The following TMEM252 variants were observed in gnomAD, a reference collection of about 807,000 sequenced individuals.
TMEM252 encodes the protein transmembrane protein 252.
TMEM252 carries 4 observed loss-of-function variants against 6.4 expected under a neutral mutation model. The ratio of observed to expected loss-of-function variants is 0.62; its 90% CI spans 0.31 to 1.43. The LOEUF is 1.43. Ranked by LOEUF, TMEM252 falls within the 40% of genes most tolerant of loss-of-function variation. The probability of loss-of-function intolerance (pLI) is 0.07; values close to 1 mark genes in which losing one functional copy is unlikely to be tolerated. For synonymous variants in TMEM252, 85 were observed against 82.5 expected, an observed-to-expected ratio of 1.03 and a Z score of -0.17; for missense variants, 207 against 209.4, an observed-to-expected ratio of 0.99 and a Z score of 0.07.
intron 1 of TMEM252, 143 bp downstream of exon 1, chr9:68,540,394 T>A: frequency 8.2e-7 from 1 of 1,223,388 alleles, no homozygotes; most frequent in Non-Finnish European, 1.1e-6. Context: ...CCCAGAGTAA[T>A]TCCCTGACAA....
At position 68,540,838 on chromosome 9, in the gene TMEM252, C is replaced by T; in HGVS notation, c.-24G>A. 6.2e-7 allele frequency: 1 copy of T among 1,603,996 alleles called. No individual in the cohort carries two copies. Among genetic ancestry groups the T allele is most frequent in the Non-Finnish European group, 8.5e-7 (1 of 1,173,336 alleles). ...ATCCTTGCACCTTAGGAACCCAGCACCCTGACCCTGCTGCTCCTCTGCTTC... is the reference window on the plus strand; with the variant it reads ...ATCCTTGCACCTTAGGAACCCAGCATCCTGACCCTGCTGCTCCTCTGCTTC... On this transcript the variant is annotated 5_prime_UTR_variant, in exon 1 of 2. It adds an upstream start codon to the 5' untranslated region. Transcript: ENST00000377311.
chr9:68,540,448 C>G (rs1007010088), intron 1 of TMEM252, 89 bp downstream of exon 1: 1 of 1,547,594 alleles, frequency 6.5e-7, no homozygotes, highest in East Asian at 2.3e-5. Context: ...ACATGTAAGT[C>G]GCTCCATAGT....
intron 1 of TMEM252, 147 bp from the exon 2 acceptor site, chr9:68,537,640 T>C: frequency 1.6e-6 from 1 of 644,694 alleles, no homozygotes; most frequent in Non-Finnish European, 2.6e-6. Context: ...CTTCCTGGCA[T>C]CACCAGTTTT....
At chr9:68,539,493 G>A (rs2132129036) in intron 1 of TMEM252, among the ~76,000 whole-genome samples, 1 of 152,294 alleles carries the variant, frequency 6.6e-6, no homozygotes. Flanking sequence ...TCTACTTTCT[G>A]TGTCTGTGAA....
At chr9:68,539,172 C>T (rs1284810938) in intron 1 of TMEM252, among the ~76,000 whole-genome samples, 3 of 152,152 alleles carry the variant, frequency 2.0e-5, no homozygotes. Flanking sequence ...TACTCTTGCA[C>T]GAAGAGGGCA....
chr9:68,537,243 G>T lies in TMEM252; in HGVS notation c.*16C>A. On this transcript the variant is annotated 3_prime_UTR_variant, in exon 2 of 2. Coordinates refer to ENST00000377311, the MANE Select transcript of TMEM252 (RefSeq NM_153237.2). ...CACAGTGGTGGCATCATGAGTGCTG[G>T]AGAGCTTTCTCTGCCTCAGCACTCT... The T allele has an allele frequency of 6.3e-7, 1 of 1,596,552 alleles. No homozygotes were observed. The highest frequency in any genetic ancestry group is 8.5e-7 in the Non-Finnish European group (1 of 1,171,552).
In TMEM252 at chr9:68,537,422, T is replaced by G; in HGVS notation, c.350A>C (p.Glu117Ala). The change falls in exon 2 of 2, where the codon GAG becomes GCG. Residue 117 changes from glutamate (E) to alanine (A), a missense_variant. Coordinates refer to ENST00000377311, the MANE Select transcript of TMEM252 (RefSeq NM_153237.2). ...VEKQSCPAEREASGIPPPLYT... is the reference protein window; with the variant it reads ...VEKQSCPAERAASGIPPPLYT... ...TAGAGGTGGAGGAATGCCAGAGGCC[T>G]CTCTCTCTGCAGGACAGCTCTGCTT... The G allele has an allele frequency of 6.2e-7, 1 of 1,604,330 alleles. No individual in the cohort carries two copies. Among genetic ancestry groups the G allele is most frequent in the Non-Finnish European group, 8.5e-7 (1 of 1,177,042 alleles).
intron 1 of TMEM252, among the ~76,000 whole-genome samples, chr9:68,539,088 A>G (rs923580739): frequency 3.9e-5 from 6 of 152,266 alleles, no homozygotes; most frequent in African/African-American, 1.4e-4. Context: ...AAAGGATGCC[A>G]AAAGTGGATG....
intron 1 of TMEM252, among the ~76,000 whole-genome samples, chr9:68,539,170 C>T (rs1351100600): frequency 6.6e-6 from 1 of 152,174 alleles, no homozygotes; most frequent in Non-Finnish European, 1.5e-5. Context: ...TCTACTCTTG[C>T]ACGAAGAGGG....
intron 1 of TMEM252, among the ~76,000 whole-genome samples, chr9:68,539,769 G>T (rs534688587): frequency 2.6e-5 from 4 of 152,184 alleles, no homozygotes; most frequent in Non-Finnish European, 5.9e-5. Flanking sequence ...CCTGCTTTCA[G>T]TTCCTTTGTG....
In TMEM252 at chr9:68,540,646, C is replaced by T. The variant is rs774608565; in HGVS notation, c.169G>A (p.Gly57Arg). ...LPLGFVILLS[G>R]IFWSNYRQVT... ...TGGCGATAGTTGCTCCAGAAAATTC[C>T]ACTCAGAAGGATCACAAACCCCAGA... Residue 57 changes from glycine to arginine, a missense_variant, in exon 1 of 2, where the codon GGA (glycine) becomes AGA (arginine). Physicochemically the swap from Gly to Arg is moderately radical, Grantham distance 125. Transcript: ENST00000377311. 1.2e-5 allele frequency: 20 copies of T among 1,614,006 alleles called. No individual in the cohort carries two copies. The highest frequency in any genetic ancestry group is 1.6e-5 in the Non-Finnish European group (19 of 1,180,014).
At chr9:68,540,438 A>G in intron 1 of TMEM252, 99 bp downstream of exon 1, 1 of 1,509,334 alleles carries the variant, frequency 6.6e-7, no homozygotes. Context: ...AGCCCATGGG[A>G]CATGTAAGTC....
At chr9:68,539,910 A>G (rs1825182948) in intron 1 of TMEM252, among the ~76,000 whole-genome samples, 2 of 152,216 alleles carry the variant, frequency 1.3e-5, no homozygotes, top group African/African-American at 4.8e-5. Flanking sequence ...CAGCGTTCCA[A>G]TTTATTGACA....
rs1279406005 is a variant in TMEM252 at position 68,536,670 on chromosome 9, TATC to T, written c.*586_*588del. 1 of 152,202 alleles carries T rather than the reference TATC, an allele frequency of 6.6e-6. No individual in the cohort carries two copies. Among genetic ancestry groups the T allele is most frequent in the South Asian group, 2.1e-4 (1 of 4,838 alleles). The allele number at this position is 152,202 out of a possible 1,614,324, so 9.4% of individuals were successfully genotyped here. ...TTTCCTTTTACATAGAAAAAATACA[TATC>T]ATGAAAATAAAATAATACAAAATAA... is the stretch of plus-strand genomic sequence containing the variant. On this transcript the variant is annotated 3_prime_UTR_variant, in exon 2 of 2. Transcript: ENST00000377311.
intron 1 of TMEM252, 31 bp from the exon 2 acceptor site, chr9:68,537,524 C>A (rs1281372970): frequency 1.3e-6 from 2 of 1,560,880 alleles, no homozygotes; most frequent in Non-Finnish European, 1.7e-6. Flanking sequence ...AACATGCGTG[C>A]GTTATTTAGG....
intron 1 of TMEM252, among the ~76,000 whole-genome samples, chr9:68,538,577 C>T (rs1370344192): frequency 6.6e-6 from 1 of 152,160 alleles, no homozygotes; most frequent in Admixed American, 6.5e-5. Context: ...TCCCAGCTAC[C>T]TCTCCCAACC....
chr9:68,537,680 CTTT>C (rs1028276304), intron 1 of TMEM252, among the ~76,000 whole-genome samples, 187 bp from the exon 2 acceptor site: 16 of 152,212 alleles, frequency 1.1e-4, no homozygotes, highest in Admixed American at 2.6e-4. Flanking sequence ...CCAAAAGAAC[CTTT>C]TTATCAGCCA....
chr9:68,540,466 G>C (rs2132129525), intron 1 of TMEM252, 71 bp downstream of exon 1: 1 of 1,588,942 alleles, frequency 6.3e-7, no homozygotes, highest in African/African-American at 1.3e-5. Flanking sequence ...AGTAGGATCA[G>C]AAATTACTCA....
At position 68,537,490 on chromosome 9, in the gene TMEM252, T is replaced by C; in HGVS notation, c.282A>G (p.Pro94=). The change falls in exon 2 of 2, where the codon CCA becomes CCG. Residue 94 remains proline, a synonymous_variant. Transcript: ENST00000377311. ...CTTCATAAGCTGGAGGGTAAAAGTC[T>C]GGCCTAGGGGACAAAACAGCATAAA... The part of the protein sequence containing the change: ...GALPVATVDR[P]DFYPPAYEES... 2 of 1,600,358 alleles carry C rather than the reference T, an allele frequency of 1.2e-6. No homozygotes were observed. Among genetic ancestry groups the C allele is most frequent in the Middle Eastern group, 1.7e-4 (1 of 6,014 alleles).
Sources: gnomAD v4.1 joint callset for allele counts (sites outside exome capture counted in the v4.1 genomes callset) on GRCh38, gnomAD v4.1.1 for gene constraint, MANE v1.5 for transcripts, NCBI Gene and HGNC (gene_info 2026-07-23, HGNC 2026-07-21) for gene names.